The following DOCK10 variants were observed in gnomAD, a reference collection of about 807,000 sequenced individuals.
DOCK10 encodes dedicator of cytokinesis 10.
Under a neutral mutation model 280.1 loss-of-function variants are expected in DOCK10, and 145 were observed. The ratio of observed to expected loss-of-function variants is 0.52; its 90% confidence interval spans 0.45 to 0.59. DOCK10 has a LOEUF of 0.59. Among genes scored for constraint, DOCK10 ranks in the 20% least tolerant of loss-of-function variants. The pLI is 0.00. For synonymous variants in DOCK10, 915 were observed against 942.2 expected, an observed-to-expected ratio of 0.97 and a Z score of 0.53; for missense variants, 2,368 against 2,651.7, an observed-to-expected ratio of 0.89 and a Z score of 2.35.
At chr2:225,041,075 T>C (rs1188163916) in intron 1 of DOCK10, among the ~76,000 whole-genome samples, 1 of 152,150 alleles carries the variant, frequency 6.6e-6, no homozygotes, top group African/African-American at 2.4e-5. Flanking sequence ...GGGCACCCGA[T>C]GCCTCTTCCC....
intron 18 of DOCK10, among the ~76,000 whole-genome samples, chr2:224,851,450 T>C (rs1187481751): frequency 1.4e-5 from 2 of 142,780 alleles, no homozygotes; most frequent in Non-Finnish European, 3.0e-5. Flanking sequence ...AGACCTTCTT[T>C]TTTTTTTTAA....
intron 9 of DOCK10, 80 bp from the exon 10 acceptor site, chr2:224,874,429 G>T: frequency 8.8e-7 from 1 of 1,135,934 alleles, no homozygotes; most frequent in Non-Finnish European, 1.3e-6. Context: ...CCAAGAAGCA[G>T]CCCCTTAGTA....
chr2:224,999,386 T>C (rs1706364096), intron 1 of DOCK10, among the ~76,000 whole-genome samples: 1 of 152,096 alleles, frequency 6.6e-6, no homozygotes, highest in African/African-American at 2.4e-5. Context: ...CAGAGTTGCT[T>C]CAGCACTGTT....
chr2:224,920,155 C>T (rs1701612914), intron 2 of DOCK10, among the ~76,000 whole-genome samples: 1 of 151,994 alleles, frequency 6.6e-6, no homozygotes, highest in Non-Finnish European at 1.5e-5. Flanking sequence ...TCACAGCAGC[C>T]TCGACCTCCG....
At chr2:224,842,017 T>C in intron 22 of DOCK10, 121 bp from the exon 23 acceptor site, 1 of 705,288 alleles carries the variant, frequency 1.4e-6, no homozygotes, top group Non-Finnish European at 2.5e-6. Flanking sequence ...GCAAATGCTT[T>C]ATTAAGGAGT....
chr2:224,817,345 T>A (rs974973261), intron 29 of DOCK10, among the ~76,000 whole-genome samples: 2 of 152,210 alleles, frequency 1.3e-5, no homozygotes, highest in Non-Finnish European at 2.9e-5. Context: ...AAAATAAGCA[T>A]GTTCCTGACT....
At chr2:224,973,850 A>C (rs1289596931) in intron 1 of DOCK10, among the ~76,000 whole-genome samples, 1 of 151,908 alleles carries the variant, frequency 6.6e-6, no homozygotes, top group Non-Finnish European at 1.5e-5. Flanking sequence ...AGACCCACAC[A>C]CCCTGGTTCC....
At chr2:225,034,592 C>G (rs1690172215) in intron 1 of DOCK10, among the ~76,000 whole-genome samples, 2 of 152,164 alleles carry the variant, frequency 1.3e-5, no homozygotes, top group South Asian at 2.1e-4. Context: ...TTCGGCCCAC[C>G]CTTCTGACTT....
intron 11 of DOCK10, among the ~76,000 whole-genome samples, chr2:224,870,440 T>C (rs1698197224): frequency 1.3e-5 from 2 of 152,208 alleles, no homozygotes; most frequent in South Asian, 2.1e-4. Context: ...CCTGAAAGCA[T>C]GATCAGATTA....
intron 1 of DOCK10, among the ~76,000 whole-genome samples, chr2:225,021,673 AT>A (rs1203789923): frequency 6.6e-6 from 1 of 152,146 alleles, no homozygotes. Context: ...TGATATCCTA[AT>A]GCAGTTGGGA....
intron 48 of DOCK10, among the ~76,000 whole-genome samples, chr2:224,788,518 A>T (rs899769201): frequency 4.6e-5 from 7 of 152,088 alleles, no homozygotes; most frequent in African/African-American, 1.7e-4. Context: ...TTTCTGTATA[A>T]TTTTTTCCAT....
intron 22 of DOCK10, among the ~76,000 whole-genome samples, chr2:224,843,674 C>G (rs560082317): frequency 6.6e-6 from 1 of 151,996 alleles, no homozygotes; most frequent in Non-Finnish European, 1.5e-5. Context: ...AGCAGATACA[C>G]ATTAAACTTA....
In DOCK10 at chr2:224,885,683, T is replaced by G. The variant is rs1243903977; in HGVS notation, c.735A>C (p.Thr245=). 1 of 1,609,216 alleles carries G rather than the reference T, an allele frequency of 6.2e-7. No homozygotes were observed. The highest frequency in any genetic ancestry group is 8.5e-7 in the Non-Finnish European group (1 of 1,177,438). The change falls in exon 7 of 56, where the codon ACA becomes ACC. Residue 245 remains threonine, a synonymous_variant. Transcript: ENST00000258390. ...PKGCIFLDSC[T]GVVQNNRLRK... ...GATGTCTACTCACCTGCACCACTCC[T>G]GTACAGGAATCCAAAAAGATGCATC...
intron 3 of DOCK10, among the ~76,000 whole-genome samples, chr2:224,905,633 G>C (rs1357380091): frequency 1.3e-5 from 2 of 152,150 alleles, no homozygotes; most frequent in East Asian, 1.9e-4. Context: ...TCCTGAAGTG[G>C]GTTTATGCTT....
At chr2:225,022,690 G>A (rs1389924371) in intron 1 of DOCK10, among the ~76,000 whole-genome samples, 1 of 152,170 alleles carries the variant, frequency 6.6e-6, no homozygotes, top group Non-Finnish European at 1.5e-5. Flanking sequence ...TTCAATACAA[G>A]TCAAATAGAA....
chr2:224,826,700 G>A (rs1318520103), intron 27 of DOCK10, among the ~76,000 whole-genome samples: 1 of 151,680 alleles, frequency 6.6e-6, no homozygotes, highest in Non-Finnish European at 1.5e-5. Context: ...ACCAGCCTGG[G>A]CAACATGACG....
Position 225,042,281 on chromosome 2 carries a change from C to A in DOCK10, c.94G>T (p.Val32Leu). 7.5e-7 allele frequency: 1 copy of A among 1,338,906 alleles called. No individual in the cohort carries two copies. The highest frequency in any genetic ancestry group is 9.6e-7 in the Non-Finnish European group (1 of 1,043,106). The allele number at this position is 1,338,906 out of a possible 1,614,324, so 82.9% of individuals were successfully genotyped here. The change falls in exon 1 of 56, where the codon GTG (valine) becomes TTG (leucine). Residue 32 changes from valine (V) to leucine (L), a missense_variant. This residue lies in a region of DOCK10 where 1,209 missense variants were observed against 1,250.9 expected (regional missense o/e 0.97). Transcript: ENST00000258390. This position sits in a 1 kb window ranked among gnomAD's most constrained non-coding sequence, Gnocchi z 5.1. ...TGCTGCTGCCGGCTGCTGACTGCCACCGCGGCGGCGGACGCGGCGCTGTGC... is the reference window on the plus strand; with the variant it reads ...TGCTGCTGCCGGCTGCTGACTGCCAACGCGGCGGCGGACGCGGCGCTGTGC... ...LRHSAASAAA[V>L]AVSSRQQQRQ...
chr2:224,923,708 A>G (rs1224800283), intron 2 of DOCK10, among the ~76,000 whole-genome samples: 1 of 152,238 alleles, frequency 6.6e-6, no homozygotes, highest in East Asian at 1.9e-4. Context: ...TCATTCCTGC[A>G]CAGGGCCTTT....
chr2:224,915,938 A>C (rs1701285489), intron 3 of DOCK10, among the ~76,000 whole-genome samples: 1 of 152,262 alleles, frequency 6.6e-6, no homozygotes. Context: ...TCCCTGATGT[A>C]GTTTGGCTAT....
Sources: gnomAD v4.1 joint callset for allele counts (sites outside exome capture counted in the v4.1 genomes callset) on GRCh38, gnomAD v4.1.1 for gene constraint, gnomAD v4.1.1 regional missense constraint, Gnocchi (gnomAD v3.1) non-coding constraint, MANE v1.5 for transcripts, NCBI Gene and HGNC (gene_info 2026-07-23, HGNC 2026-07-21) for gene names.